Variants in DYSF observed in about 807,000 individuals in gnomAD.
DYSF encodes dysferlin, also known as dystrophy-associated fer-1-like 1.
A neutral mutation model predicts 274.9 loss-of-function variants in DYSF; 212 were observed. That is an observed-to-expected ratio of 0.77 (90% CI 0.69 to 0.86). The LOEUF (loss-of-function observed/expected upper bound fraction) is 0.86. Among genes scored for constraint, DYSF ranks in the 40% least tolerant of loss-of-function variants. The pLI is 0.00. For synonymous variants in DYSF, 1,091 were observed against 1,078.7 expected, an observed-to-expected ratio of 1.01 and a Z score of -0.22; for missense variants, 2,666 against 2,783.2, an observed-to-expected ratio of 0.96 and a Z score of 0.95.
chr2:71,598,318 T>C (rs1301087635), intron 32 of DYSF, among the ~76,000 whole-genome samples: 1 of 152,240 alleles, frequency 6.6e-6, no homozygotes, highest in East Asian at 1.9e-4. Context: ...GAAAAGGGGA[T>C]GCTCTCTGGA....
At chr2:71,571,644 A>G (rs1188730785) in intron 29 of DYSF, among the ~76,000 whole-genome samples, 1 of 133,440 alleles carries the variant, frequency 7.5e-6, no homozygotes, top group African/African-American at 3.0e-5. Flanking sequence ...GCACATGCAG[A>G]GATCACACAC....
In DYSF at chr2:71,570,678, C is replaced by T. The variant is rs745672090; in HGVS notation, c.3165C>T (p.His1055=). The T allele has an allele frequency of 1.9e-5, 31 of 1,613,990 alleles. No homozygotes were observed. The highest frequency in any genetic ancestry group is 2.6e-5 in the Non-Finnish European group (31 of 1,179,994). ...WVPAEKMYYT[H]RRRRWVRLRR... ...CTGCTGAGAAGATGTACTACACACA[C>T]CGACGGCGGCGCTGGGTGCGCCTGC... The change falls in exon 29 of 56, where the codon CAC becomes CAT. Residue 1055 remains histidine, a synonymous_variant. Transcript: ENST00000410020.
At chr2:71,662,237 C>T (rs544065255) in intron 45 of DYSF, among the ~76,000 whole-genome samples, 7 of 152,326 alleles carry the variant, frequency 4.6e-5, no homozygotes, top group South Asian at 2.1e-4. Flanking sequence ...TATTCCATGG[C>T]GTTACCTTCT....
intron 41 of DYSF, among the ~76,000 whole-genome samples, chr2:71,642,986 C>T (rs1218629993): frequency 3.3e-5 from 5 of 152,176 alleles, no homozygotes; most frequent in South Asian, 2.1e-4. Flanking sequence ...CTCCTGAAGC[C>T]GTGTCCTTGG....
upstream of DYSF, among the ~76,000 whole-genome samples, chr2:71,462,267 T>C (rs2081314391): frequency 6.6e-6 from 1 of 152,106 alleles, no homozygotes; most frequent in Non-Finnish European, 1.5e-5. Context: ...CAGCTCCAGG[T>C]GCTGGTACAG....
At chr2:71,460,593 G>T (rs2081243828) in intron 1 of DYSF, among the ~76,000 whole-genome samples, 1 of 152,158 alleles carries the variant, frequency 6.6e-6, no homozygotes, top group South Asian at 2.1e-4. Flanking sequence ...TCAGTATGAA[G>T]TCTGCAAGGG....
intron 1 of DYSF, among the ~76,000 whole-genome samples, chr2:71,456,636 G>T (rs559595237): frequency 6.6e-6 from 1 of 152,248 alleles, no homozygotes; most frequent in South Asian, 2.1e-4. Context: ...CAGCCCCTTT[G>T]TGCATGTATA....
At chr2:71,478,369 GC>G (rs1455141935) in intron 1 of DYSF, among the ~76,000 whole-genome samples, 1 of 151,860 alleles carries the variant, frequency 6.6e-6, no homozygotes, top group East Asian at 1.9e-4. Flanking sequence ...CAGCCACCAT[GC>G]CCGGCTAATT....
intron 40 of DYSF, among the ~76,000 whole-genome samples, chr2:71,620,073 G>A (rs72829435): frequency 6.6e-6 from 1 of 152,328 alleles, no homozygotes; most frequent in Non-Finnish European, 1.5e-5. Context: ...CTGGAGGAGG[G>A]AAGACTGAGT....
At chr2:71,537,162 C>T (rs2089427159) in intron 16 of DYSF, among the ~76,000 whole-genome samples, 1 of 150,232 alleles carries the variant, frequency 6.7e-6, no homozygotes, top group Non-Finnish European at 1.5e-5. Context: ...TTAACTGTCA[C>T]TCATCTGGTG....
rs1232072319 is a variant in DYSF at position 71,526,393 on chromosome 2, G to T, written c.1276+47G>T. ...GTGGGAGGTCTGCAGGAGGCTGGAG[G>T]CGCAGGGCTGGTGGGGGTGGGCGAT... On this transcript the variant is annotated intron_variant, in intron 13 of 55. Transcript: ENST00000410020. 3 of 1,588,020 alleles carry T rather than the reference G, an allele frequency of 1.9e-6. No homozygotes were observed. The African/African-American group carries it at 4.1e-5, about 21-fold the overall frequency.
At position 71,482,477 on chromosome 2, in the gene DYSF, C is replaced by A. The variant is rs571330497; in HGVS notation, c.239+507C>A. On this transcript the variant is annotated intron_variant, in intron 3 of 55. Coordinates refer to ENST00000410020, the MANE Select transcript of DYSF (RefSeq NM_001130987.2). Reference sequence around the variant, plus strand: ...ATCAGAACAGTAAAAATGAGTAGCCCGGCCTGGGCGCTTCCCTGTGTTGGG... The same window carrying A: ...ATCAGAACAGTAAAAATGAGTAGCCAGGCCTGGGCGCTTCCCTGTGTTGGG... 6.1e-3 allele frequency among the ~76,000 whole-genome samples: 921 copies of A among 152,030 alleles called. 1 individual carries two copies. The highest frequency in any genetic ancestry group is 0.01 in the Non-Finnish European group (695 of 68,004).
At position 71,660,566 on chromosome 2, in the gene DYSF, C is replaced by T. The variant is rs766817696; in HGVS notation, c.4918C>T (p.Pro1640Ser). The T allele has an allele frequency of 6.2e-7, 1 of 1,613,872 alleles. No individual in the cohort carries two copies. Among genetic ancestry groups the T allele is most frequent in the Admixed American group, 1.7e-5 (1 of 60,018 alleles). The change falls in exon 45 of 56, where the codon CCT (proline) becomes TCT (serine). Residue 1640 changes from proline (P) to serine (S), a missense_variant. Physicochemically the swap from Pro to Ser is moderately conservative, Grantham distance 74. Transcript: ENST00000410020. ...QPKDPNGKCD[P>S]YIKISIGKKS... Reference sequence around the variant, plus strand: ...GTTTTGTCTCCTCCTCCAGTGTGATCCTTACATCAAGATCTCCATAGGGAA... The same window carrying T: ...GTTTTGTCTCCTCCTCCAGTGTGATTCTTACATCAAGATCTCCATAGGGAA...
At position 71,600,752 on chromosome 2, in the gene DYSF, G is replaced by A; in HGVS notation, c.3807G>A (p.Arg1269=). 6.2e-7 allele frequency: 1 copy of A among 1,614,026 alleles called. No homozygotes were observed. Among genetic ancestry groups the A allele is most frequent in the Non-Finnish European group, 8.5e-7 (1 of 1,180,050 alleles). The change falls in exon 34 of 56, where the codon CGG becomes CGA. Residue 1269 remains arginine, a synonymous_variant. Coordinates refer to ENST00000410020, the MANE Select transcript of DYSF (RefSeq NM_001130987.2). The part of the protein sequence containing the change: ...GRCICQPSLE[R]MPRLAWFPLT... The stretch of plus-strand genomic sequence containing the variant: ...GCATCTGTCAACCGAGTCTGGAACG[G>A]ATGCCACGGCTGGCCTGGTTCCCAC...
chr2:71,505,176 G>A (rs1338412261), intron 4 of DYSF, among the ~76,000 whole-genome samples: 1 of 152,208 alleles, frequency 6.6e-6, no homozygotes, highest in South Asian at 2.1e-4. Flanking sequence ...ATGGCATTAA[G>A]GTCACAGTGC....
rs757917335 is a variant in DYSF at position 71,611,481 on chromosome 2, T to C, written c.4076T>C (p.Leu1359Pro). 14 of 1,614,132 alleles carry C rather than the reference T, an allele frequency of 8.7e-6. No individual in the cohort carries two copies. The South Asian group carries it at 1.3e-4, about 15-fold the overall frequency. Residue 1359 changes from leucine (L) to proline (P), a missense_variant, in exon 38 of 56, where the codon CTG (leucine) becomes CCG (proline). Transcript: ENST00000410020. ...RTAIEILAWG[L>P]RNMKSYQLAN... ...TGTGCTTAGATCCTGGCATGGGGCC[T>C]GCGGAACATGAAGAGTTACCAGCTG...
At chr2:71,550,549 C>T (rs546214295) in intron 17 of DYSF, among the ~76,000 whole-genome samples, 9 of 151,626 alleles carry the variant, frequency 5.9e-5, no homozygotes, top group East Asian at 5.8e-4. Flanking sequence ...CTCTGGTTAC[C>T]GGGCTCTGGG....
At chr2:71,625,020 G>A (rs1399379946) in intron 41 of DYSF, among the ~76,000 whole-genome samples, 1 of 151,972 alleles carries the variant, frequency 6.6e-6, no homozygotes, top group East Asian at 1.9e-4. Context: ...TTAATTTTAT[G>A]TATTTATGTT....
chr2:71,510,129 T>C (rs900772848), intron 4 of DYSF, among the ~76,000 whole-genome samples: 1 of 152,244 alleles, frequency 6.6e-6, no homozygotes, highest in Non-Finnish European at 1.5e-5. Flanking sequence ...TCCTTTCTGG[T>C]GCAAGAAGAT....
Sources: allele counts gnomAD v4.1 joint callset (sites outside exome capture counted in the v4.1 genomes callset), GRCh38; gene constraint gnomAD v4.1.1; transcripts MANE v1.5; gene names NCBI Gene and HGNC (gene_info 2026-07-23, HGNC 2026-07-21).